Variants in EFNB1 observed in about 807,000 individuals in gnomAD.
The protein encoded by EFNB1 is ephrin-B1.
Under a neutral mutation model 18.1 loss-of-function variants are expected in EFNB1, and 1 was observed. The observed-to-expected ratio is 0.06, with a 90% CI of 0.02 to 0.26. The LOEUF is 0.26. Ranked by LOEUF, EFNB1 falls within the 10% of genes least tolerant of loss-of-function variation. The pLI, the probability that EFNB1 is intolerant of heterozygous loss-of-function variation, is 1.00. For synonymous variants in EFNB1, 131 were observed against 127.5 expected (o/e 1.03, Z -0.19); for missense variants, 221 against 301.8 (o/e 0.73, Z 1.98).
chrX:68,840,514 G>A lies in EFNB1; in HGVS notation c.901G>A (p.Asp301Asn). ...TGGCACAGCGGGCACCGAGCCCAGC[G>A]ACATCATCATTCCCTTACGGACTAC... ...GSGTAGTEPS[D>N]IIIPLRTTEN... The change falls in exon 5 of 5, where the codon GAC (aspartate) becomes AAC (asparagine). Residue 301 changes from aspartate to asparagine, a missense_variant. Asp to Asn is a conservative substitution (Grantham distance 23). Coordinates refer to ENST00000204961, the MANE Select transcript of EFNB1 (RefSeq NM_004429.5). 5.8e-6 allele frequency: 7 copies of A among 1,211,396 alleles called. No homozygotes were observed. The highest frequency in any genetic ancestry group is 1.8e-5 in the South Asian group (1 of 56,865).
chrX:68,836,194 T>C (rs867396632), intron 1 of EFNB1, among the ~76,000 whole-genome samples: 4 of 112,010 alleles, frequency 3.6e-5, no homozygotes, highest in Non-Finnish European at 7.5e-5. Flanking sequence ...AGGTTCCTGC[T>C]GGCTCTAAGA....
intron 1 of EFNB1, among the ~76,000 whole-genome samples, chrX:68,834,785 C>T (rs990884484): frequency 8.9e-6 from 1 of 112,494 alleles, no homozygotes; most frequent in Non-Finnish European, 1.9e-5. Context: ...CAGGCTCCCC[C>T]TTTGGTCATT....
intron 1 of EFNB1, among the ~76,000 whole-genome samples, chrX:68,834,511 C>A (rs557245337): frequency 1.8e-5 from 2 of 113,252 alleles, no homozygotes; most frequent in South Asian, 7.1e-4. Flanking sequence ...TGCCCACCCA[C>A]GCCTGGGCGG....
At chrX:68,830,969 A>G (rs370158437) in intron 1 of EFNB1, among the ~76,000 whole-genome samples, 40 of 111,477 alleles carry the variant, frequency 3.6e-4, no homozygotes, top group Non-Finnish European at 6.4e-4. Flanking sequence ...GGGCTGTTGT[A>G]GTGACCTCTG....
At chrX:68,832,460 C>T (rs1465258800) in intron 1 of EFNB1, among the ~76,000 whole-genome samples, 1 of 111,245 alleles carries the variant, frequency 9.0e-6, no homozygotes, top group African/African-American at 3.3e-5. Context: ...AGCTGGCAAC[C>T]CCCCTCCCAA....
At chrX:68,838,158 TGTGTGTGTGTGTGTGC>T (rs1201938443) in intron 1 of EFNB1, among the ~76,000 whole-genome samples, 3 of 49,254 alleles carry the variant, frequency 6.1e-5, no homozygotes, top group South Asian at 7.5e-4. Flanking sequence ...TGTGTGTGTG[TGTGTGTGTGTGTGTGC>T]GCGCGCGCGC....
In EFNB1 at chrX:68,829,623, A is replaced by G; in HGVS notation, c.-154A>G. 1 of 965,043 alleles carries G rather than the reference A, an allele frequency of 1.0e-6. No homozygotes were observed. The highest frequency in any genetic ancestry group is 3.4e-5 in the East Asian group (1 of 29,497). 79.5% of individuals were successfully genotyped at this position (965,043 alleles called of 1,213,427 possible). ...CTGGCCGGCCGGGCGGAGAAGAGCG[A>G]CACCGAAGCCGGCGGGAGGGGAGCA... On this transcript the variant is annotated 5_prime_UTR_variant, in exon 1 of 5. Coordinates refer to ENST00000204961, the MANE Select transcript of EFNB1 (RefSeq NM_004429.5).
intron 2 of EFNB1, among the ~76,000 whole-genome samples, chrX:68,839,372 C>A (rs2080470597): frequency 8.9e-6 from 1 of 112,200 alleles, no homozygotes; most frequent in South Asian, 3.7e-4. Flanking sequence ...TAGAAGCCCC[C>A]ATTATGATCC....
chrX:68,839,704 G>A lies in EFNB1; in HGVS notation c.447G>A (p.Glu149=), dbSNP rs749751971. 4 of 1,211,666 alleles carry A rather than the reference G, an allele frequency of 3.3e-6. No individual in the cohort carries two copies. In the East Asian group the frequency reaches 8.9e-5, roughly 27 times the overall value. The change falls in exon 3 of 5, where the codon GAG becomes GAA. Residue 149 remains glutamate (E), a synonymous_variant. Coordinates refer to ENST00000204961, the MANE Select transcript of EFNB1 (RefSeq NM_004429.5). ...GCCTGGAGGGGCTGGAAAACCGGGA[G>A]GGCGGTGTGTGCCGCACACGCACCA... ...NGSLEGLENR[E]GGVCRTRTMK...
Position 68,839,704 on chromosome X carries a change from G to C in EFNB1, c.447G>C (p.Glu149Asp). The change falls in exon 3 of 5, where the codon GAG becomes GAC. Residue 149 changes from glutamate to aspartate, a missense_variant. Coordinates refer to ENST00000204961, the MANE Select transcript of EFNB1 (RefSeq NM_004429.5). ...NGSLEGLENREGGVCRTRTMK... is the reference protein window; with the variant it reads ...NGSLEGLENRDGGVCRTRTMK... ...GCCTGGAGGGGCTGGAAAACCGGGA[G>C]GGCGGTGTGTGCCGCACACGCACCA... 8.3e-7 allele frequency: 1 copy of C among 1,211,666 alleles called. No individual in the cohort carries two copies. The highest frequency in any genetic ancestry group is 1.1e-6 in the Non-Finnish European group (1 of 895,429).
intron 1 of EFNB1, among the ~76,000 whole-genome samples, chrX:68,831,504 C>T (rs1569396707): frequency 9.1e-6 from 1 of 109,523 alleles, no homozygotes; most frequent in Non-Finnish European, 1.9e-5. Context: ...CAGGGGGGAA[C>T]GTTGTGAAGT....
At chrX:68,838,412 G>T (rs1200299837) in intron 1 of EFNB1, among the ~76,000 whole-genome samples, 2 of 111,602 alleles carry the variant, frequency 1.8e-5, no homozygotes, top group African/African-American at 6.5e-5. Flanking sequence ...TGGCAGCCTT[G>T]CCCATGGGCC....
In EFNB1 at chrX:68,839,369, C is replaced by T. The variant is rs762236676; in HGVS notation, c.407-295C>T. Among the ~76,000 whole-genome samples, 5 of 112,190 alleles carry T rather than the reference C, an allele frequency of 4.5e-5. No individual in the cohort carries two copies. The South Asian group carries it at 1.9e-3, about 42-fold the overall frequency. ...AATTCCTTTCAGTCTATGTAGAAGC[C>T]CCCATTATGATCCCAGTGAGGAGGC... On this transcript the variant is annotated intron_variant, in intron 2 of 4. Transcript: ENST00000204961.
intron 1 of EFNB1, among the ~76,000 whole-genome samples, chrX:68,831,467 C>T (rs1328862040): frequency 9.0e-6 from 1 of 111,556 alleles, no homozygotes; most frequent in Non-Finnish European, 1.9e-5. Flanking sequence ...GCTCAAAATG[C>T]TCTGGGAGCT....
intron 1 of EFNB1, among the ~76,000 whole-genome samples, chrX:68,832,117 C>G (rs4844294): frequency 0.12 from 13,596 of 110,019 alleles, 710 homozygotes; most frequent in African/African-American, 0.19. Context: ...CTTCTGCCAC[C>G]GCGCCCAACC....
intron 2 of EFNB1, 97 bp from the exon 3 acceptor site, chrX:68,839,567 C>G: frequency 2.4e-6 from 2 of 830,956 alleles, no homozygotes; most frequent in African/African-American, 2.0e-5. Context: ...TGCAGTTTCT[C>G]TCCCTGTTGG....
chrX:68,830,036 G>A (rs1002797734), intron 1 of EFNB1, 132 bp downstream of exon 1: 122 of 956,606 alleles, frequency 1.3e-4, no homozygotes, highest in Non-Finnish European at 1.6e-4. Context: ...GCTTTTTCGA[G>A]TGTTTTCCTG....
At chrX:68,839,807 A>G in intron 3 of EFNB1, 51 bp downstream of exon 3, 1 of 1,183,927 alleles carries the variant, frequency 8.4e-7, no homozygotes, top group African/African-American at 1.7e-5. Context: ...TGACCTTTGG[A>G]ACAGATGTTC....
rs894208417 is a variant in EFNB1 at position 68,829,184 on chromosome X, C to T, written c.-593C>T. 1.7e-5 allele frequency: 2 copies of T among 116,118 alleles called. No homozygotes were observed. The highest frequency in any genetic ancestry group is 2.8e-4 in the East Asian group (1 of 3,572). 9.6% of individuals were successfully genotyped at this position (116,118 alleles called of 1,213,427 possible). ...GGGACTGGCTCGCTCGGCAGCATCT[C>T]CCCGCTCTTCTAAGTACACTGAGCA... On this transcript the variant is annotated 5_prime_UTR_variant, in exon 1 of 5. Transcript: ENST00000204961.
Sources: allele counts gnomAD v4.1 joint callset (sites outside exome capture counted in the v4.1 genomes callset), GRCh38; gene constraint gnomAD v4.1.1; transcripts MANE v1.5; gene names NCBI Gene and HGNC (gene_info 2026-07-23, HGNC 2026-07-21).